ROBO2: variants seen among roughly 807,000 people sequenced by gnomAD.
The protein encoded by ROBO2 is roundabout homolog 2.
A neutral mutation model predicts 160.8 loss-of-function variants in ROBO2; 53 were observed. That is an observed-to-expected ratio of 0.33 (90% CI 0.26 to 0.41). The LOEUF (loss-of-function observed/expected upper bound fraction) is 0.41. Ranked by LOEUF, ROBO2 falls within the 10% of genes least tolerant of loss-of-function variation. The probability of loss-of-function intolerance (pLI) is 1.00; values close to 1 mark genes in which losing one functional copy is unlikely to be tolerated. For synonymous variants in ROBO2, 664 were observed against 611.7 expected (o/e 1.09, Z -1.26); for missense variants, 1,577 against 1,722.4 (o/e 0.92, Z 1.49).
At chr3:77,551,998 G>C (rs987154817) in intron 8 of ROBO2, among the ~76,000 whole-genome samples, 3 of 152,000 alleles carry the variant, frequency 2.0e-5, no homozygotes, top group African/African-American at 7.2e-5. Flanking sequence ...GTCGTTAATG[G>C]CTGCACCTGC....
At chr3:75,990,894 G>A (rs1223051100) in intron 2 of ROBO2, among the ~76,000 whole-genome samples, 2 of 152,158 alleles carry the variant, frequency 1.3e-5, no homozygotes, top group African/African-American at 4.8e-5. Flanking sequence ...GAGTGAAGAA[G>A]ATCTGCCCTC....
rs59745987 is a variant in ROBO2 at position 76,044,538 on chromosome 3, GATTCATTCATTCATTC to G, written c.109+106962_109+106977del. 1.0e-4 allele frequency among the ~76,000 whole-genome samples: 15 copies of G among 149,542 alleles called. 1 individual carries two copies. The highest frequency in any genetic ancestry group is 1.7e-4 in the African/African-American group (7 of 40,226). ...GGGAGAAATAAGTCACAGTCACAGA[GATTCATTCATTCATTC>G]ATTCATTCATTCATTCATTCATTCA... On this transcript the variant is annotated intron_variant, in intron 2 of 26. Coordinates refer to the ROBO2 transcript ENST00000487694.
intron 2 of ROBO2, among the ~76,000 whole-genome samples, chr3:77,347,215 C>G (rs181948220): frequency 6.6e-6 from 1 of 152,198 alleles, no homozygotes; most frequent in East Asian, 1.9e-4. Context: ...ATGCTAATTG[C>G]AAGTACACCA....
rs550432423 is a variant in ROBO2 at position 76,669,424 on chromosome 3, G to T, written c.110-428590G>T. On this transcript the variant is annotated intron_variant, in intron 2 of 26. Coordinates refer to the ROBO2 transcript ENST00000487694. ...GAGACCGTACAACAGGAAGTCCAAG[G>T]TCCGGGTAGTCTGTGTTTGAAGGCC... 9.9e-5 allele frequency among the ~76,000 whole-genome samples: 15 copies of T among 152,170 alleles called. No homozygotes were observed. The South Asian group carries it at 2.7e-3, about 27-fold the overall frequency.
chr3:77,440,141 A>G lies in ROBO2; in HGVS notation c.389-37273A>G, dbSNP rs572360187. On this transcript the variant is annotated intron_variant, in intron 2 of 25. Transcript: ENST00000461745. ...AGTCTACCATGTGCTTAGAGTAACA[A>G]TAAAAGATGGTTTAGTAAGATGACC... is the stretch of plus-strand genomic sequence containing the variant. Among the ~76,000 whole-genome samples, 22 of 152,296 alleles carry G rather than the reference A, an allele frequency of 1.4e-4. No homozygotes were observed. In the East Asian group the frequency reaches 3.5e-3, roughly 24 times the overall value.
intron 2 of ROBO2, among the ~76,000 whole-genome samples, chr3:77,211,092 G>C (rs545280396): frequency 6.6e-6 from 1 of 152,214 alleles, no homozygotes; most frequent in African/African-American, 2.4e-5. Flanking sequence ...GTAATCCTTT[G>C]GGTATATACC....
chr3:76,165,846 G>T (rs774524042), intron 2 of ROBO2, among the ~76,000 whole-genome samples: 1 of 152,116 alleles, frequency 6.6e-6, no homozygotes, highest in Admixed American at 6.5e-5. Flanking sequence ...TCATGAGGTT[G>T]AAGGAAAGAA....
At chr3:76,246,821 AT>A (rs1705651375) in intron 2 of ROBO2, among the ~76,000 whole-genome samples, 1 of 152,146 alleles carries the variant, frequency 6.6e-6, no homozygotes, top group African/African-American at 2.4e-5. Context: ...GATAAAGTAT[AT>A]AACTTTATTA....
chr3:76,926,680 G>A (rs529086758), intron 2 of ROBO2, among the ~76,000 whole-genome samples: 1 of 152,306 alleles, frequency 6.6e-6, no homozygotes, highest in Non-Finnish European at 1.5e-5. Flanking sequence ...GGTTCTTAAA[G>A]AGAAGGGGCT....
At chr3:76,370,902 T>G (rs2076066902) in intron 2 of ROBO2, among the ~76,000 whole-genome samples, 1 of 151,922 alleles carries the variant, frequency 6.6e-6, no homozygotes, top group African/African-American at 2.4e-5. Context: ...CATATGTCAT[T>G]TCCTTCCCAA....
At chr3:76,354,201 A>G (rs1044038842) in intron 2 of ROBO2, among the ~76,000 whole-genome samples, 13 of 152,094 alleles carry the variant, frequency 8.5e-5, no homozygotes, top group African/African-American at 2.6e-4. Context: ...AGCAGTTCAT[A>G]TATGTTAAAA....
intron 2 of ROBO2, chr3:77,317,517 A>C: frequency 6.9e-7 from 1 of 1,443,114 alleles, no homozygotes; most frequent in Admixed American, 1.7e-5. Flanking sequence ...TTTCGTTTTC[A>C]AATCAAGCTT....
At chr3:77,257,083 T>C (rs1012960941) in intron 2 of ROBO2, among the ~76,000 whole-genome samples, 2 of 152,180 alleles carry the variant, frequency 1.3e-5, no homozygotes, top group African/African-American at 2.4e-5. Context: ...AGCTCTTCCA[T>C]GAGACTGTCT....
chr3:76,532,060 C>T (rs992885276), intron 2 of ROBO2, among the ~76,000 whole-genome samples: 14 of 152,120 alleles, frequency 9.2e-5, no homozygotes, highest in East Asian at 5.8e-4. Context: ...TTTCCTCTTA[C>T]GCCCTGCCTC....
chr3:77,025,097 A>G (rs1439590440), intron 2 of ROBO2, among the ~76,000 whole-genome samples: 2 of 152,176 alleles, frequency 1.3e-5, no homozygotes, highest in African/African-American at 4.8e-5. Context: ...CCTTTAAAAT[A>G]TGTGGTGGTG....
At chr3:76,071,576 T>G (rs1047095793) in intron 2 of ROBO2, among the ~76,000 whole-genome samples, 20 of 152,130 alleles carry the variant, frequency 1.3e-4, no homozygotes, top group African/African-American at 4.3e-4. Flanking sequence ...CTTGTTTTAG[T>G]AGAGACTGAT....
chr3:77,258,755 C>T (rs1444658873), intron 2 of ROBO2, among the ~76,000 whole-genome samples: 1 of 152,172 alleles, frequency 6.6e-6, no homozygotes, highest in Non-Finnish European at 1.5e-5. Context: ...CCTTAATGAC[C>T]TTCTAGCTAT....
At position 76,983,810 on chromosome 3, in the gene ROBO2, C is replaced by G. The variant is rs115001063; in HGVS notation, c.110-114204C>G. On this transcript the variant is annotated intron_variant, in intron 2 of 26. Coordinates refer to the ROBO2 transcript ENST00000487694. The stretch of plus-strand genomic sequence containing the variant: ...ATTCCTACAAGTTCAAGTGGCTTGA[C>G]CCAAATCAGCTAAATAACTGGTAAA... Among the ~76,000 whole-genome samples the G allele has an allele frequency of 6.8e-3, 1,037 of 152,298 alleles. 15 individuals carry two copies. Among genetic ancestry groups the G allele is most frequent in the African/African-American group, 0.024 (998 of 41,560 alleles).
At chr3:76,304,844 A>G (rs2071258423) in intron 2 of ROBO2, among the ~76,000 whole-genome samples, 1 of 144,814 alleles carries the variant, frequency 6.9e-6, no homozygotes, top group African/African-American at 2.6e-5. Flanking sequence ...AACAGTGAGA[A>G]TTTTCTGGAC....
Sources: allele counts gnomAD v4.1 joint callset (sites outside exome capture counted in the v4.1 genomes callset), GRCh38; gene constraint gnomAD v4.1.1; transcripts MANE v1.5; gene names NCBI Gene and HGNC (gene_info 2026-07-23, HGNC 2026-07-21).